MCTP2: variants seen among roughly 807,000 people sequenced by gnomAD.
The protein encoded by MCTP2 is multiple C2 and transmembrane domain-containing protein 2.
Under a neutral mutation model 111.6 loss-of-function variants are expected in MCTP2, and 132 were observed. That is an observed-to-expected ratio of 1.18 (90% confidence interval 1.03 to 1.37). The LOEUF (loss-of-function observed/expected upper bound fraction) is 1.37. Ranked by LOEUF, MCTP2 falls within the 40% of genes most tolerant of loss-of-function variation. The pLI is 0.00. For synonymous variants in MCTP2, 395 were observed against 387.7 expected, an observed-to-expected ratio of 1.02 and a Z score of -0.22; for missense variants, 1,183 against 1,067.9, an observed-to-expected ratio of 1.11 and a Z score of -1.50.
intron 19 of MCTP2, among the ~76,000 whole-genome samples, chr15:94,455,546 T>C (rs1240722921): frequency 6.6e-6 from 1 of 152,116 alleles, no homozygotes; most frequent in African/African-American, 2.4e-5. Context: ...CAAGTGATTA[T>C]CCTGCCTCAG....
chr15:94,449,398 GAT>G lies in MCTP2; in HGVS notation c.2250+6440_2250+6441del, dbSNP rs574842537. 1.2e-3 allele frequency among the ~76,000 whole-genome samples: 187 copies of G among 152,326 alleles called. 1 individual carries two copies. The highest frequency in any genetic ancestry group is 4.2e-3 in the African/African-American group (176 of 41,570). ...AACATATATGAGATTTCTCAGCCAG[GAT>G]AGTGGCAACACTCAAACCCATCTCT... On this transcript the variant is annotated intron_variant, in intron 19 of 22. Coordinates refer to ENST00000357742, the MANE Select transcript of MCTP2 (RefSeq NM_001385001.1).
At chr15:94,303,101 TTATATA>T (rs376412572) in intron 2 of MCTP2, among the ~76,000 whole-genome samples, 31 of 22,340 alleles carry the variant, frequency 1.4e-3, no homozygotes, top group Non-Finnish European at 9.4e-4. Flanking sequence ...TTTATATAGT[TTATATA>T]TATATATAGT....
intron 19 of MCTP2, among the ~76,000 whole-genome samples, chr15:94,454,909 C>G (rs909666841): frequency 5.3e-5 from 8 of 152,186 alleles, no homozygotes; most frequent in Non-Finnish European, 1.0e-4. Flanking sequence ...CAACCTCTGC[C>G]TCCCAGGTTC....
chr15:94,275,353 C>G (rs141842190), intron 1 of MCTP2, among the ~76,000 whole-genome samples: 1 of 151,760 alleles, frequency 6.6e-6, no homozygotes, highest in African/African-American at 2.4e-5. Context: ...TGTACAGATA[C>G]AAAATCTGAA....
chr15:94,264,526 G>A (rs969049657), intron 1 of MCTP2, among the ~76,000 whole-genome samples: 18 of 151,922 alleles, frequency 1.2e-4, no homozygotes, highest in African/African-American at 4.1e-4. Context: ...GGAGAATGGC[G>A]TGAACCCGGA....
chr15:94,471,591 A>G lies in MCTP2; in HGVS notation c.2470+1149A>G, dbSNP rs1282067260. Among the ~76,000 whole-genome samples, 7 of 152,266 alleles carry G rather than the reference A, an allele frequency of 4.6e-5. No homozygotes were observed. The East Asian group carries it at 9.7e-4, about 21-fold the overall frequency. ...GTATAATCCAATTATTCTCTAAACT[A>G]TTCAGGGATCTATTTTAATACTTGA... On this transcript the variant is annotated intron_variant, in intron 21 of 22. Transcript: ENST00000357742.
chr15:94,324,944 A>G (rs2076790662), intron 4 of MCTP2, among the ~76,000 whole-genome samples: 1 of 152,164 alleles, frequency 6.6e-6, no homozygotes, highest in Non-Finnish European at 1.5e-5. Flanking sequence ...AGAACTCTGT[A>G]TTGTATACTG....
intron 20 of MCTP2, 108 bp downstream of exon 20, chr15:94,458,354 C>T: frequency 1.4e-6 from 1 of 698,956 alleles, no homozygotes; most frequent in Non-Finnish European, 2.6e-6. Context: ...AATACAAAAA[C>T]ACACCAAAGC....
Position 94,483,891 on chromosome 15 carries a change from A to G in MCTP2, c.*4857A>G, listed in dbSNP as rs1276291251. 2.0e-5 allele frequency: 3 copies of G among 152,218 alleles called. No individual in the cohort carries two copies. Among genetic ancestry groups the G allele is most frequent in the African/African-American group, 7.2e-5 (3 of 41,456 alleles). The allele number at this position is 152,218 out of a possible 1,614,324, so 9.4% of individuals were successfully genotyped here. ...ATCAAAACCTGCCTCTCATTTATGTATTAGGAATCTTGTGACAACGGAACA... is the reference window on the plus strand; with the variant it reads ...ATCAAAACCTGCCTCTCATTTATGTGTTAGGAATCTTGTGACAACGGAACA... On this transcript the variant is annotated 3_prime_UTR_variant, in exon 23 of 23. Coordinates refer to ENST00000357742, the MANE Select transcript of MCTP2 (RefSeq NM_001385001.1).
intron 17 of MCTP2, chr15:94,402,660 C>T: frequency 6.6e-7 from 1 of 1,525,402 alleles, no homozygotes; most frequent in Non-Finnish European, 8.8e-7. Context: ...CAGCTGGCCT[C>T]ATGCCTTCAC....
intron 1 of MCTP2, among the ~76,000 whole-genome samples, chr15:94,284,255 A>G (rs2074643994): frequency 6.6e-6 from 1 of 152,200 alleles, no homozygotes; most frequent in Non-Finnish European, 1.5e-5. Flanking sequence ...GTTCCCTACC[A>G]TGGCCATTTT....
intron 4 of MCTP2, among the ~76,000 whole-genome samples, chr15:94,335,321 A>G (rs1361056438): frequency 6.6e-6 from 1 of 152,250 alleles, no homozygotes; most frequent in East Asian, 1.9e-4. Context: ...GTGGAAGAAA[A>G]CATAGCTGAA....
chr15:94,324,459 T>TG (rs1362800482), intron 4 of MCTP2, among the ~76,000 whole-genome samples: 1 of 152,248 alleles, frequency 6.6e-6, no homozygotes, highest in African/African-American at 2.4e-5. Context: ...TAATGGAAGT[T>TG]CGCTGTCACA....
chr15:94,390,072 A>ATATATATATACATG (rs2080810232), intron 14 of MCTP2, among the ~76,000 whole-genome samples: 7 of 16,644 alleles, frequency 4.2e-4, no homozygotes, highest in African/African-American at 1.0e-3. Context: ...ATATATATAT[A>ATATATATATACATG]TATATATATA....
intron 19 of MCTP2, among the ~76,000 whole-genome samples, chr15:94,449,820 A>C (rs569675190): frequency 6.6e-6 from 1 of 152,310 alleles, no homozygotes; most frequent in South Asian, 2.1e-4. Flanking sequence ...TAAAGGATTC[A>C]CACAGCTAAA....
intron 21 of MCTP2, among the ~76,000 whole-genome samples, chr15:94,473,470 A>T (rs886120789): frequency 1.3e-5 from 2 of 152,242 alleles, no homozygotes; most frequent in Non-Finnish European, 1.5e-5. Context: ...TTTAGGAAAC[A>T]TTATCTACTG....
chr15:94,407,117 A>G (rs1227305518), intron 17 of MCTP2, among the ~76,000 whole-genome samples: 1 of 152,154 alleles, frequency 6.6e-6, no homozygotes, highest in South Asian at 2.1e-4. Context: ...CCAATCATGT[A>G]TGGGTGTTTT....
intron 20 of MCTP2, among the ~76,000 whole-genome samples, chr15:94,466,886 TAA>T (rs1473521908): frequency 6.6e-6 from 1 of 152,166 alleles, no homozygotes; most frequent in East Asian, 1.9e-4. Flanking sequence ...AAAGGAATGA[TAA>T]AGTCTATTCC....
chr15:94,351,093 C>T (rs1159096143), intron 8 of MCTP2, among the ~76,000 whole-genome samples: 2 of 151,996 alleles, frequency 1.3e-5, no homozygotes, highest in Non-Finnish European at 2.9e-5. Flanking sequence ...TGTATTTGTA[C>T]ACAGATTATT....
Sources: gnomAD v4.1 joint callset for allele counts (sites outside exome capture counted in the v4.1 genomes callset) on GRCh38, gnomAD v4.1.1 for gene constraint, MANE v1.5 for transcripts, NCBI Gene and HGNC (gene_info 2026-07-23, HGNC 2026-07-21) for gene names.